Variants in MROH6 observed in about 807,000 individuals in gnomAD.
MROH6 encodes maestro heat like repeat family member 6, also known as maestro heat-like repeat-containing protein family member 6.
In MROH6, 62 loss-of-function variants were observed where a neutral mutation model predicts 67.7. The observed-to-expected ratio is 0.92, with a 90% CI of 0.75 to 1.13. MROH6 has a LOEUF of 1.13. Among genes scored for constraint, MROH6 ranks in the 50% most tolerant of loss-of-function variants. MROH6 has a pLI of 0.00. For missense variants in MROH6, 1,175 were observed against 1,029.1 expected (o/e 1.14, Z -1.94); for synonymous variants, 566 against 470.8 (o/e 1.20, Z -2.62).
chr8:143,567,565 C>T, intron 13 of MROH6, 46 bp downstream of exon 13: 1 of 1,528,450 alleles, frequency 6.5e-7, no homozygotes, highest in South Asian at 1.2e-5. Context: ...GCCCTAGCAC[C>T]AGCCACGTCT....
chr8:143,569,744 A>C lies in MROH6; in HGVS notation c.1255T>G (p.Trp419Gly), dbSNP rs762040116. Residue 419 changes from tryptophan (W) to glycine (G), a missense_variant, in exon 8 of 14, where the codon TGG (tryptophan) becomes GGG (glycine). Transcript: ENST00000398882. ...WQGDPEPTVR[W>G]LGLLGLGHLA... ...TGGCCCAGGCCCAGCAGGCCCAACC[A>C]GCGCACAGTGGGTTCGGGGTCTCCC... 1 of 1,613,156 alleles carries C rather than the reference A, an allele frequency of 6.2e-7. No individual in the cohort carries two copies. The highest frequency in any genetic ancestry group is 8.5e-7 in the Non-Finnish European group (1 of 1,179,708).
chr8:143,567,180 C>T lies in MROH6; in HGVS notation c.*59G>A. ...GCCCCTCCGTCAGGGCGGGGACAGG[C>T]TGCTATGCGCGTGGGGTGCCCGAGT... On this transcript the variant is annotated 3_prime_UTR_variant, in exon 14 of 14. Transcript: ENST00000398882. 1.0e-6 allele frequency: 1 copy of T among 989,496 alleles called. No homozygotes were observed. Among genetic ancestry groups the T allele is most frequent in the Non-Finnish European group, 1.3e-6 (1 of 771,156 alleles). The allele number at this position is 989,496 out of a possible 1,614,324, so 61.3% of individuals were successfully genotyped here.
chr8:143,570,853 C>CCCCGG, intron 4 of MROH6, 24 bp downstream of exon 4: 1 of 1,479,326 alleles, frequency 6.8e-7, no homozygotes, highest in Non-Finnish European at 9.1e-7. Flanking sequence ...CCCCCACCCC[C>CCCCGG]TGGTAATGGC....
chr8:143,568,738 T>A lies in MROH6; in HGVS notation c.1477-19A>T. The A allele has an allele frequency of 1.4e-6, 2 of 1,449,572 alleles. No individual in the cohort carries two copies. Among genetic ancestry groups the A allele is most frequent in the South Asian group, 1.4e-5 (1 of 73,654 alleles). The allele number at this position is 1,449,572 out of a possible 1,614,324, so 89.8% of individuals were successfully genotyped here. A position where few individuals can be genotyped will look rare whatever the true frequency, so the allele number is the denominator to read the frequency against. ...CCCGTGTCTGCGTGGGAGGGCGCAG[T>A]CAGGGCAGGCGGAGACAGAGAGGGG... On this transcript the variant is annotated intron_variant, in intron 9 of 13. Coordinates refer to ENST00000398882, the MANE Select transcript of MROH6 (RefSeq NM_001100878.2).
intron 7 of MROH6, 49 bp from the exon 8 acceptor site, chr8:143,569,889 G>A (rs773468608): frequency 6.2e-7 from 1 of 1,610,088 alleles, no homozygotes; most frequent in South Asian, 1.1e-5. Flanking sequence ...CGTGCAGGCC[G>A]CTGCGATTCA....
In MROH6 at chr8:143,568,211, C is replaced by T. The variant is rs1395309446; in HGVS notation, c.1695G>A (p.Leu565=). 6.2e-7 allele frequency: 1 copy of T among 1,611,242 alleles called. No homozygotes were observed. The highest frequency in any genetic ancestry group is 2.2e-5 in the East Asian group (1 of 44,834). Reference sequence around the variant, plus strand: ...GGGCCACGGTGACCAACTCCTCCAGCAGGCCCCAGCAAAAGGCGTGGTCAC... The same window carrying T: ...GGGCCACGGTGACCAACTCCTCCAGTAGGCCCCAGCAAAAGGCGTGGTCAC... The part of the protein sequence containing the change: ...ARCDHAFCWG[L]LEELVTVAHY... The change falls in exon 11 of 14, where the codon CTG becomes CTA. Residue 565 remains leucine, a synonymous_variant. Coordinates refer to ENST00000398882, the MANE Select transcript of MROH6 (RefSeq NM_001100878.2).
At position 143,572,375 on chromosome 8, in the gene MROH6, G is replaced by T. The variant is rs1457352078; in HGVS notation, c.294+46C>A. 2.0e-6 allele frequency: 3 copies of T among 1,503,446 alleles called. No homozygotes were observed. The African/African-American group carries it at 4.1e-5, about 21-fold the overall frequency. 93.1% of individuals were successfully genotyped at this position (1,503,446 alleles called of 1,614,324 possible). A position where few individuals can be genotyped will look rare whatever the true frequency, so the allele number is the denominator to read the frequency against. On this transcript the variant is annotated intron_variant, in intron 1 of 13. Transcript: ENST00000398882. ...CCCCGCCTTCCACCTACCATCCACA[G>T]GACCCCCAGGCCGGTTCGCACAACA...
rs771954353 is a variant in MROH6 at position 143,570,394 on chromosome 8, CAGTGAGCA to C, written c.906-22_906-15del. 14 of 1,597,724 alleles carry C rather than the reference CAGTGAGCA, an allele frequency of 8.8e-6. No individual in the cohort carries two copies. Among genetic ancestry groups the C allele is most frequent in the Non-Finnish European group, 2.6e-6 (3 of 1,172,458 alleles). On this transcript the variant is annotated splice_polypyrimidine_tract_variant and intron_variant, in intron 5 of 13. Coordinates refer to ENST00000398882, the MANE Select transcript of MROH6 (RefSeq NM_001100878.2). ...TCCACAGCACAGCTGGTGGTGGGGA[CAGTGAGCA>C]GGTGGGCAGTGGGAGCTGAGAGGGT...
chr8:143,571,290 G>C (rs190644846), intron 3 of MROH6, among the ~76,000 whole-genome samples: 1 of 152,322 alleles, frequency 6.6e-6, no homozygotes, highest in Admixed American at 6.5e-5. Flanking sequence ...AATTGCCACA[G>C]AGAATAAAAC....
In MROH6 at chr8:143,568,554, C is replaced by G; in HGVS notation, c.1642G>C (p.Glu548Gln). 6.5e-7 allele frequency: 1 copy of G among 1,536,090 alleles called. No homozygotes were observed. The change falls in exon 10 of 14, where the codon GAG becomes CAG. Residue 548 changes from glutamate (E) to glutamine (Q), a missense_variant and splice_region_variant. Coordinates refer to ENST00000398882, the MANE Select transcript of MROH6 (RefSeq NM_001100878.2). ...GGATGGTGTCGGGGGCTGCTGACCTCAGCAGCGTCCCTGCTGGGGTCATGC... is the reference window on the plus strand; with the variant it reads ...GGATGGTGTCGGGGGCTGCTGACCTGAGCAGCGTCCCTGCTGGGGTCATGC... ...RLHDPSRDAA[E>Q]SSEWTLARCD...
chr8:143,572,149 C>CCCTCCTCCCAG lies in MROH6; in HGVS notation c.330_331insCTGGGAGGAGG (p.Asp111LeufsTer58). 1 of 1,613,068 alleles carries CCCTCCTCCCAG rather than the reference C, an allele frequency of 6.2e-7. No individual in the cohort carries two copies. The highest frequency in any genetic ancestry group is 8.5e-7 in the Non-Finnish European group (1 of 1,179,878). On this transcript the variant is annotated frameshift_variant, in exon 2 of 14. Coordinates refer to ENST00000398882, the MANE Select transcript of MROH6 (RefSeq NM_001100878.2). LOFTEE classifies it high-confidence loss of function. ...CAGGCAGCCGTGTACAACGCGAGGT[C>CCCTCCTCCCAG]GGCAAGAACTCCCTCCTCCCAGGAA...
intron 4 of MROH6, 105 bp from the exon 5 acceptor site, chr8:143,570,762 C>T (rs889805130): frequency 1.4e-6 from 2 of 1,427,496 alleles, no homozygotes; most frequent in African/African-American, 1.4e-5. Flanking sequence ...CTCAGACACG[C>T]ATGGGACATT....
chr8:143,569,978 A>G lies in MROH6; in HGVS notation c.1131T>C (p.Arg377=). 4 of 1,612,698 alleles carry G rather than the reference A, an allele frequency of 2.5e-6. No homozygotes were observed. Among genetic ancestry groups the G allele is most frequent in the Non-Finnish European group, 3.4e-6 (4 of 1,179,842 alleles). Residue 377 remains arginine (R), a synonymous_variant, in exon 7 of 14, where the codon CGT becomes CGC. Transcript: ENST00000398882. ...CTGTGAAGAAGGCCATAGCCGTGAG[A>G]CGCTGCGGGTCGTCCGCGCTGCGAA... ...PRLRSADDPQ[R]LTAMAFFTGL...
chr8:143,571,567 G>A, intron 3 of MROH6, 100 bp downstream of exon 3: 2 of 1,461,866 alleles, frequency 1.4e-6, no homozygotes, highest in Non-Finnish European at 9.2e-7. Context: ...AGGAGGCCCT[G>A]CCCCTTTTCA....
chr8:143,568,282 C>T (rs753009806), intron 10 of MROH6, 21 bp from the exon 11 acceptor site: 18 of 1,593,962 alleles, frequency 1.1e-5, no homozygotes, highest in Admixed American at 1.7e-5. Flanking sequence ...GGAAGTGAGC[C>T]GGGTCAGGGG....
chr8:143,572,335 ACCGCC>A, intron 1 of MROH6, 81 bp downstream of exon 1: 2 of 1,478,776 alleles, frequency 1.4e-6, no homozygotes, highest in South Asian at 2.7e-5. Flanking sequence ...CGGGGCCAGC[ACCGCC>A]CCCCTGCCAC....
rs1824002055 is a variant in MROH6, at chr8:143,570,986, G to C, written c.611C>G (p.Ala204Gly). The change falls in exon 4 of 14, where the codon GCC becomes GGC. Residue 204 changes from alanine to glycine, a missense_variant. Ala to Gly is a moderately conservative substitution (Grantham distance 60). Transcript: ENST00000398882. ...ACGGCTTAGGCTGCGCCAGAGCTCGGCTGCTACCCTGAGGGTTTGGAGGGG... is the reference window on the plus strand; with the variant it reads ...ACGGCTTAGGCTGCGCCAGAGCTCGCCTGCTACCCTGAGGGTTTGGAGGGG... ...PRSLPADRVA[A>G]ELWRSLSRNQ... The C allele has an allele frequency of 6.5e-7, 1 of 1,548,886 alleles. No individual in the cohort carries two copies. The highest frequency in any genetic ancestry group is 8.7e-7 in the Non-Finnish European group (1 of 1,146,906).
Position 143,567,280 on chromosome 8 carries a change from C to G in MROH6, c.2119G>C (p.Val707Leu). The change falls in exon 14 of 14, where the codon GTC becomes CTC. Residue 707 changes from valine to leucine, a missense_variant. By Grantham distance (32) the Val-to-Leu change is conservative. Coordinates refer to ENST00000398882, the MANE Select transcript of MROH6 (RefSeq NM_001100878.2). ...CCGGAGCAGCCCCAGCGGCCCGCGACGCTCCGGCGCTGGAAGGGGCTGTCG... is the reference window on the plus strand; with the variant it reads ...CCGGAGCAGCCCCAGCGGCCCGCGAGGCTCCGGCGCTGGAAGGGGCTGTCG... ...FADSPFQRRS[V>L]AGRWGCSGPR... is the part of the protein sequence containing the mutation. The G allele has an allele frequency of 1.6e-6, 2 of 1,222,560 alleles. No homozygotes were observed. The highest frequency in any genetic ancestry group is 2.0e-6 in the Non-Finnish European group (2 of 981,912). 75.7% of individuals were successfully genotyped at this position (1,222,560 alleles called of 1,614,324 possible).
At chr8:143,567,712 AG>A in intron 12 of MROH6, 36 bp from the exon 13 acceptor site, 1 of 1,575,224 alleles carries the variant, frequency 6.3e-7, no homozygotes, top group Non-Finnish European at 8.6e-7. Flanking sequence ...CAGGCCCCAC[AG>A]CCCCCCAGGG....
Sources: allele counts gnomAD v4.1 joint callset (sites outside exome capture counted in the v4.1 genomes callset), GRCh38; gene constraint gnomAD v4.1.1; transcripts MANE v1.5; gene names NCBI Gene and HGNC (gene_info 2026-07-23, HGNC 2026-07-21).